Variants in EYS observed in about 807,000 individuals in gnomAD.
EYS encodes the protein protein eyes shut homolog.
Under a neutral mutation model 282.1 loss-of-function variants are expected in EYS, and 250 were observed. The ratio of observed to expected loss-of-function variants is 0.89; its 90% confidence interval spans 0.80 to 0.98. The LOEUF (loss-of-function observed/expected upper bound fraction) is 0.98. EYS is among the 50% of genes least tolerant of loss of function. The probability of loss-of-function intolerance (pLI) is 0.00; values close to 1 mark genes in which losing one functional copy is unlikely to be tolerated. For missense variants in EYS, 4,016 were observed against 3,709.0 expected, an observed-to-expected ratio of 1.08 and a Z score of -2.15; for synonymous variants, 1,355 against 1,282.9, an observed-to-expected ratio of 1.06 and a Z score of -1.20.
chr6:63,908,693 C>T (rs11757531), intron 35 of EYS, among the ~76,000 whole-genome samples: 10,766 of 152,120 alleles, frequency 0.071, 415 homozygotes, highest in South Asian at 0.13. Flanking sequence ...TCAGGTTATC[C>T]GCCCTCCTAC....
intron 29 of EYS, among the ~76,000 whole-genome samples, chr6:64,374,844 CAG>C (rs1037678171): frequency 2.6e-5 from 4 of 152,116 alleles, no homozygotes; most frequent in Non-Finnish European, 5.9e-5. Flanking sequence ...GAGACAGAGA[CAG>C]GGAGAGGGAG....
intron 29 of EYS, among the ~76,000 whole-genome samples, chr6:64,351,584 C>T (rs527307863): frequency 6.6e-5 from 10 of 151,266 alleles, no homozygotes; most frequent in African/African-American, 1.5e-4. Flanking sequence ...AGAAGAGACC[C>T]GAGAGCAGAA....
At chr6:64,232,354 T>G (rs2150338735) in intron 30 of EYS, among the ~76,000 whole-genome samples, 1 of 152,108 alleles carries the variant, frequency 6.6e-6, no homozygotes, top group East Asian at 1.9e-4. Context: ...TTTTTTTTTG[T>G]AAATATGCAA....
intron 24 of EYS, among the ~76,000 whole-genome samples, chr6:64,603,030 T>A (rs888055899): frequency 6.6e-5 from 10 of 152,074 alleles, no homozygotes; most frequent in Admixed American, 2.6e-4. Context: ...GTGGACTTCC[T>A]GAGGAGCTAT....
chr6:64,500,102 C>T (rs1000340183), intron 26 of EYS, among the ~76,000 whole-genome samples: 1 of 151,948 alleles, frequency 6.6e-6, no homozygotes, highest in Non-Finnish European at 1.5e-5. Context: ...AAAATAAGTA[C>T]ATAGAACTGT....
chr6:64,925,828 C>T (rs1189258943), intron 15 of EYS, among the ~76,000 whole-genome samples: 1 of 152,118 alleles, frequency 6.6e-6, no homozygotes, highest in Non-Finnish European at 1.5e-5. Context: ...TAGCTGGGAA[C>T]TGGGCCAAGC....
chr6:64,995,663 C>T (rs1771229551), intron 14 of EYS, among the ~76,000 whole-genome samples: 1 of 151,886 alleles, frequency 6.6e-6, no homozygotes, highest in Admixed American at 6.6e-5. Flanking sequence ...ATATTTAAAC[C>T]AGTTAATAAG....
chr6:64,403,452 G>A (rs1305274828), intron 28 of EYS, among the ~76,000 whole-genome samples: 1 of 152,054 alleles, frequency 6.6e-6, no homozygotes, highest in African/African-American at 2.4e-5. Flanking sequence ...CGCCTCCTGG[G>A]TTCAAGCAAT....
At chr6:65,017,894 G>A (rs1220104763) in intron 13 of EYS, among the ~76,000 whole-genome samples, 1 of 151,944 alleles carries the variant, frequency 6.6e-6, no homozygotes, top group Non-Finnish European at 1.5e-5. Context: ...AAACTTCCTG[G>A]AACCACCTCC....
At chr6:64,131,025 G>T (rs1425770859) in intron 31 of EYS, among the ~76,000 whole-genome samples, 1 of 152,018 alleles carries the variant, frequency 6.6e-6, no homozygotes, top group Admixed American at 6.5e-5. Context: ...GTGCCACCAT[G>T]CCCGGCTAAT....
At chr6:64,315,384 GA>G (rs201073315) in intron 29 of EYS, among the ~76,000 whole-genome samples, 120 of 152,034 alleles carry the variant, frequency 7.9e-4, no homozygotes, top group East Asian at 3.5e-3. Context: ...GCAAACAATG[GA>G]AAAAAAGGGA....
At chr6:64,116,031 A>G (rs1343596080) in intron 31 of EYS, among the ~76,000 whole-genome samples, 1 of 152,076 alleles carries the variant, frequency 6.6e-6, no homozygotes, top group East Asian at 1.9e-4. Context: ...AAAATAATAC[A>G]TGAAAAAAAT....
At chr6:63,724,850 G>A (rs185218346) in intron 42 of EYS, among the ~76,000 whole-genome samples, 1 of 152,160 alleles carries the variant, frequency 6.6e-6, no homozygotes, top group Admixed American at 6.5e-5. Context: ...TTAACTTTGT[G>A]TATTGTTTGG....
chr6:65,448,841 AAC>A (rs1255727117), intron 5 of EYS, among the ~76,000 whole-genome samples: 11 of 152,092 alleles, frequency 7.2e-5, no homozygotes, highest in Admixed American at 1.3e-4. Context: ...AAAGCAAATA[AAC>A]ACAGTTTATG....
At chr6:64,707,398 G>GCA (rs1246375666) in intron 22 of EYS, among the ~76,000 whole-genome samples, 3 of 152,022 alleles carry the variant, frequency 2.0e-5, no homozygotes, top group Admixed American at 2.0e-4. Flanking sequence ...GGCCAGGCAT[G>GCA]GTGGCTCACG....
intron 26 of EYS, among the ~76,000 whole-genome samples, chr6:64,519,845 T>C (rs375592878): frequency 1.1e-4 from 17 of 151,990 alleles, no homozygotes; most frequent in African/African-American, 3.9e-4. Context: ...AACCATTCAC[T>C]GTGTTTCCTG....
chr6:65,048,014 G>T (rs73765733), intron 13 of EYS, among the ~76,000 whole-genome samples: 1 of 151,764 alleles, frequency 6.6e-6, no homozygotes, highest in East Asian at 1.9e-4. Context: ...TCATATTGGG[G>T]CTCCCATTTG....
chr6:64,989,817 C>G (rs1340900103), intron 14 of EYS, among the ~76,000 whole-genome samples: 1 of 147,980 alleles, frequency 6.8e-6, no homozygotes, highest in East Asian at 2.0e-4. Flanking sequence ...CACACACACA[C>G]ACACACACAC....
intron 11 of EYS, among the ~76,000 whole-genome samples, chr6:65,333,439 C>T (rs1769867803): frequency 6.6e-6 from 1 of 151,538 alleles, no homozygotes; most frequent in South Asian, 2.1e-4. Context: ...TTACAGCTTG[C>T]TTTATAGCAT....
Sources: allele counts gnomAD v4.1 joint callset (sites outside exome capture counted in the v4.1 genomes callset), GRCh38; gene constraint gnomAD v4.1.1; transcripts MANE v1.5; gene names NCBI Gene and HGNC (gene_info 2026-07-23, HGNC 2026-07-21).